Variants in GPR160 observed in about 807,000 individuals in gnomAD.
GPR160 encodes the protein G protein-coupled receptor 160, also known as probable G protein-coupled receptor 160.
In GPR160, 2 loss-of-function variants were observed where a neutral mutation model predicts 2.6. That is an observed-to-expected ratio of 0.77 (90% CI 0.32 to 2.44). The LOEUF (loss-of-function observed/expected upper bound fraction) is 2.44. GPR160 is among the 30% of genes most tolerant of loss of function. The probability of loss-of-function intolerance (pLI) is 0.11; values close to 1 mark genes in which losing one functional copy is unlikely to be tolerated. For missense variants in GPR160, 351 were observed against 383.6 expected, an observed-to-expected ratio of 0.91 and a Z score of 0.71; for synonymous variants, 130 against 132.2, an observed-to-expected ratio of 0.98 and a Z score of 0.12.
intron 2 of GPR160, among the ~76,000 whole-genome samples, chr3:170,056,662 C>T (rs749441436): frequency 1.2e-4 from 18 of 152,160 alleles, no homozygotes; most frequent in Non-Finnish European, 2.4e-4. Context: ...TGTTTGTATG[C>T]GAGAAATACT....
intron 2 of GPR160, among the ~76,000 whole-genome samples, chr3:170,064,514 C>CTTTTTTTTTTTTTTTTTTTT (rs1175382810): frequency 3.7e-5 from 3 of 81,052 alleles, no homozygotes; most frequent in Non-Finnish European, 5.0e-5. Flanking sequence ...CTTTTCTTTT[C>CTTTTTTTTTTTTTTTTTTTT]TTTTTTTTTT....
At chr3:170,057,032 G>T (rs916513115) in intron 2 of GPR160, among the ~76,000 whole-genome samples, 2 of 152,150 alleles carry the variant, frequency 1.3e-5, no homozygotes, top group Admixed American at 6.5e-5. Flanking sequence ...TGTAAAGAGG[G>T]TCTTACAAAA....
Position 170,084,508 on chromosome 3 carries a change from GCATT to G in GPR160, c.539_542del (p.Ile180ArgfsTer10), listed in dbSNP as rs777621835. 3 of 1,613,250 alleles carry G rather than the reference GCATT, an allele frequency of 1.9e-6. No homozygotes were observed. The highest frequency in any genetic ancestry group is 2.2e-5 in the South Asian group (2 of 91,066). On this transcript the variant is annotated frameshift_variant, in exon 4 of 4. Transcript: ENST00000355897. LOFTEE classifies it low-confidence loss of function (END_TRUNC). Reference sequence around the variant, plus strand: ...TCTCGTCACTGTCCTTTCTATGTCAGCATTCAGAGTTACTGGCTGTCATTTTTCA... The same window carrying G: ...TCTCGTCACTGTCCTTTCTATGTCAGCAGAGTTACTGGCTGTCATTTTTCA...
At chr3:170,075,231 G>C (rs1179073238) in intron 2 of GPR160, among the ~76,000 whole-genome samples, 1 of 152,106 alleles carries the variant, frequency 6.6e-6, no homozygotes, top group African/African-American at 2.4e-5. Context: ...TCCAACTCAA[G>C]CAAAACAAAA....
rs1341358163 is a variant in GPR160, at chr3:170,076,389, GACC to G, written c.-192-3382_-192-3380del. ...ACTGAATTTGGACACATCAAGCGAA[GACC>G]ACATTTCAAATACAAACTCTTCAAA... is the stretch of plus-strand genomic sequence containing the variant. On this transcript the variant is annotated intron_variant, in intron 2 of 3. Transcript: ENST00000355897. Among the ~76,000 whole-genome samples the G allele has an allele frequency of 9.2e-5, 14 of 152,082 alleles. No homozygotes were observed. In the East Asian group the frequency reaches 2.7e-3, roughly 29 times the overall value.
intron 2 of GPR160, among the ~76,000 whole-genome samples, chr3:170,074,088 C>T (rs1024041494): frequency 1.3e-5 from 2 of 151,752 alleles, no homozygotes; most frequent in Admixed American, 1.3e-4. Flanking sequence ...GGGGTTTCAC[C>T]ATATTGGCCA....
At chr3:170,066,446 C>T (rs2108334089) in intron 2 of GPR160, among the ~76,000 whole-genome samples, 1 of 152,038 alleles carries the variant, frequency 6.6e-6, no homozygotes, top group Admixed American at 6.6e-5. Flanking sequence ...GCCATTTCTC[C>T]CCTTTTCAAA....
At chr3:170,065,721 ATACT>A (rs758783934) in intron 2 of GPR160, among the ~76,000 whole-genome samples, 2 of 152,226 alleles carry the variant, frequency 1.3e-5, no homozygotes, top group Non-Finnish European at 2.9e-5. Flanking sequence ...AGTAAACTAA[ATACT>A]TAAATTATTT....
At position 170,084,514 on chromosome 3, in the gene GPR160, A is replaced by G; in HGVS notation, c.542A>G (p.Gln181Arg). Residue 181 changes from glutamine to arginine, a missense_variant, in exon 4 of 4, where the codon CAG becomes CGG. Coordinates refer to ENST00000355897, the MANE Select transcript of GPR160 (RefSeq NM_014373.3). ...CACTGTCCTTTCTATGTCAGCATTC[A>G]GAGTTACTGGCTGTCATTTTTCATG... is the stretch of plus-strand genomic sequence containing the variant. ...SRHCPFYVSI[Q>R]SYWLSFFMVM... The G allele has an allele frequency of 3.1e-6, 5 of 1,613,202 alleles. No individual in the cohort carries two copies. Among genetic ancestry groups the G allele is most frequent in the Non-Finnish European group, 4.2e-6 (5 of 1,179,182 alleles).
chr3:170,049,826 T>C (rs529695557), intron 2 of GPR160: 52 of 152,426 alleles, frequency 3.4e-4, no homozygotes, highest in African/African-American at 1.2e-3. Context: ...GTCCACAAAG[T>C]TTAGCCTTTC....
intron 2 of GPR160, among the ~76,000 whole-genome samples, chr3:170,047,101 AAG>A (rs1378881775): frequency 1.3e-5 from 2 of 152,196 alleles, no homozygotes; most frequent in Admixed American, 1.3e-4. Flanking sequence ...CAGTGGGAGG[AAG>A]AGAGGCAGTA....
chr3:170,048,773 C>T (rs994637326), intron 2 of GPR160, among the ~76,000 whole-genome samples: 10 of 152,194 alleles, frequency 6.6e-5, no homozygotes, highest in Non-Finnish European at 7.3e-5. Context: ...TTTGTGTCGC[C>T]GGGTTCTCCC....
intron 2 of GPR160, among the ~76,000 whole-genome samples, chr3:170,052,117 G>A (rs1269449056): frequency 2.0e-5 from 3 of 152,180 alleles, no homozygotes; most frequent in Admixed American, 2.0e-4. Context: ...GGAGAGACGT[G>A]GTTTCACCAT....
chr3:170,059,030 A>AACACACAAACAC (rs1711793086), intron 2 of GPR160, among the ~76,000 whole-genome samples: 1 of 148,792 alleles, frequency 6.7e-6, no homozygotes, highest in Non-Finnish European at 1.5e-5. Context: ...CACATGCACA[A>AACACACAAACAC]ACACACACAC....
Position 170,079,882 on chromosome 3 carries a change from G to GT in GPR160, c.-84_-83insT, listed in dbSNP as rs1367273196. 1 of 150,446 alleles carries GT rather than the reference G, an allele frequency of 6.6e-6. No homozygotes were observed. The highest frequency in any genetic ancestry group is 1.5e-5 in the Non-Finnish European group (1 of 68,042). 9.3% of individuals were successfully genotyped at this position (150,446 alleles called of 1,614,324 possible). A position where few individuals can be genotyped will look rare whatever the true frequency, so the allele number is the denominator to read the frequency against. ...TTAAATAGGAAGATCATCAGTCAAGGAAGACCCACTGGAGAGTAAGTATGC... is the reference window on the plus strand; with the variant it reads ...TTAAATAGGAAGATCATCAGTCAAGGTAAGACCCACTGGAGAGTAAGTATGC... On this transcript the variant is annotated 5_prime_UTR_variant, in exon 3 of 4. Transcript: ENST00000355897.
intron 2 of GPR160, among the ~76,000 whole-genome samples, chr3:170,045,958 C>T (rs779392220): frequency 1.3e-5 from 2 of 152,122 alleles, no homozygotes; most frequent in Non-Finnish European, 2.9e-5. Context: ...CATCATAGGG[C>T]GGTGAGGATT....
chr3:170,082,653 T>G (rs766897010), intron 3 of GPR160, among the ~76,000 whole-genome samples: 6 of 152,144 alleles, frequency 3.9e-5, no homozygotes, highest in Non-Finnish European at 1.5e-5. Context: ...TGGAGTGCAG[T>G]GGCACAATCA....
chr3:170,070,442 AG>A (rs1310332498), intron 2 of GPR160, among the ~76,000 whole-genome samples: 1 of 152,222 alleles, frequency 6.6e-6, no homozygotes, highest in African/African-American at 2.4e-5. Flanking sequence ...TTTCAGTATT[AG>A]TATTGATGAT....
intron 2 of GPR160, among the ~76,000 whole-genome samples, chr3:170,064,554 T>G (rs1712210016): frequency 7.1e-6 from 1 of 140,780 alleles, no homozygotes; most frequent in South Asian, 2.3e-4. Flanking sequence ...AGTCTCACTC[T>G]GTCGCCCAGG....
Sources: allele counts gnomAD v4.1 joint callset (sites outside exome capture counted in the v4.1 genomes callset), GRCh38; gene constraint gnomAD v4.1.1; transcripts MANE v1.5; gene names NCBI Gene and HGNC (gene_info 2026-07-23, HGNC 2026-07-21).